Variants in ABLIM1 observed in about 807,000 individuals in gnomAD.
ABLIM1 encodes the protein actin-binding LIM protein 1.
In ABLIM1, 40 loss-of-function variants were observed where a neutral mutation model predicts 107.0. That is an observed-to-expected ratio of 0.37 (90% confidence interval 0.29 to 0.49). The LOEUF is 0.49. ABLIM1 is among the 20% of genes least tolerant of loss of function. The probability of loss-of-function intolerance (pLI) is 0.97; values close to 1 mark genes in which losing one functional copy is unlikely to be tolerated. For synonymous variants in ABLIM1, 357 were observed against 357.3 expected, an observed-to-expected ratio of 1.00 and a Z score of 0.01; for missense variants, 857 against 1,008.5, an observed-to-expected ratio of 0.85 and a Z score of 2.04.
chr10:114,528,151 G>A (rs1427310034), intron 6 of ABLIM1, among the ~76,000 whole-genome samples: 1 of 151,960 alleles, frequency 6.6e-6, no homozygotes, highest in East Asian at 1.9e-4. Context: ...TAAATTTTTT[G>A]TGGAGACAGG....
chr10:114,606,890 T>C (rs537572473), intron 1 of ABLIM1, among the ~76,000 whole-genome samples: 25 of 152,330 alleles, frequency 1.6e-4, no homozygotes, highest in Non-Finnish European at 3.4e-4. Flanking sequence ...GACCTCTTTA[T>C]ACCAGAATAA....
chr10:114,745,097 C>A (rs928415790), intron 1 of ABLIM1, among the ~76,000 whole-genome samples: 5 of 152,062 alleles, frequency 3.3e-5, no homozygotes, highest in Non-Finnish European at 7.4e-5. Context: ...CTTGTCAATC[C>A]CCCCTCCAAA....
rs986027165 is a variant in ABLIM1, at chr10:114,456,016, A to G, written c.1442-2533T>C. On this transcript the variant is annotated intron_variant, in intron 12 of 22. Coordinates refer to ENST00000533213, the MANE Select transcript of ABLIM1 (RefSeq NM_002313.7). ...TTTTTAGTAGAGACGGGGTTTCACC[A>G]TGTTAGCCAGGATGGTCTCAATCTC... is the stretch of plus-strand genomic sequence containing the variant. Among the ~76,000 whole-genome samples the G allele has an allele frequency of 1.0e-3, 159 of 151,478 alleles. 3 individuals are homozygous for G. The highest frequency in any genetic ancestry group is 3.4e-3 in the Middle Eastern group (1 of 292).
In ABLIM1 at chr10:114,644,280, C is replaced by CAA. The variant is rs1170954656; in HGVS notation, c.244+13675_244+13676dup. ...TGGGTGACAGAGTGAGACTCCATCT[C>CAA]AAAAAAAAAAAAAAAAAAAAAAAAA... On this transcript the variant is annotated intron_variant, in intron 1 of 22. Transcript: ENST00000533213. Among the ~76,000 whole-genome samples the CAA allele has an allele frequency of 5.7e-3, 106 of 18,618 alleles. 6 individuals carry two copies. The highest frequency in any genetic ancestry group is 0.071 in the Middle Eastern group (1 of 14). The allele number at this position is 18,618 out of a possible 152,430, so 12.2% of individuals were successfully genotyped here. A position where few individuals can be genotyped will look rare whatever the true frequency, so the allele number is the denominator to read the frequency against.
chr10:114,762,120 C>T (rs1478038849), intron 1 of ABLIM1, among the ~76,000 whole-genome samples: 1 of 152,078 alleles, frequency 6.6e-6, no homozygotes, highest in Non-Finnish European at 1.5e-5. Flanking sequence ...GCAAGCTGCA[C>T]CTCCCAGGTT....
Position 114,549,194 on chromosome 10 carries a change from G to A in ABLIM1, c.674-1418C>T, listed in dbSNP as rs114371421. Among the ~76,000 whole-genome samples the A allele has an allele frequency of 3.7e-3, 564 of 152,270 alleles. 3 individuals are homozygous for A. The highest frequency in any genetic ancestry group is 0.013 in the African/African-American group (533 of 41,550). On this transcript the variant is annotated intron_variant, in intron 4 of 22. Coordinates refer to ENST00000533213, the MANE Select transcript of ABLIM1 (RefSeq NM_002313.7). ...GAGGTCATGAGTTCAAGACCAGCCT[G>A]ACTAATGTGGTGAAACCCTGTCTCT...
chr10:114,443,941 T>C, intron 17 of ABLIM1, 88 bp downstream of exon 17: 3 of 1,057,892 alleles, frequency 2.8e-6, no homozygotes, highest in Non-Finnish European at 4.2e-6. Context: ...ACTCTGTAGG[T>C]TCCACCACAA....
At chr10:114,469,674 T>C (rs2066064892) in intron 10 of ABLIM1, among the ~76,000 whole-genome samples, 2 of 152,244 alleles carry the variant, frequency 1.3e-5, no homozygotes, top group Admixed American at 6.5e-5. Context: ...TTCTTTACTG[T>C]CTGTCTCCCA....
intron 1 of ABLIM1, chr10:114,765,041 C>G (rs2082855194): frequency 6.6e-6 from 1 of 152,456 alleles, no homozygotes; most frequent in Admixed American, 6.5e-5. Flanking sequence ...TTAAGGGGGG[C>G]TGTTTTCTAC....
intron 2 of ABLIM1, chr10:114,595,250 T>C (rs1481679739): frequency 1.3e-5 from 2 of 152,116 alleles, no homozygotes; most frequent in African/African-American, 4.8e-5. Context: ...ATAACATGTA[T>C]ACTTAAAATG....
the ABLIM1 span, among the ~76,000 whole-genome samples, chr10:114,797,234 G>A: frequency 6.6e-6 from 1 of 152,120 alleles, no homozygotes; most frequent in Admixed American, 6.6e-5. Flanking sequence ...TAGATTTTAA[G>A]TTCCATCACT....
intron 9 of ABLIM1, 98 bp from the exon 10 acceptor site, chr10:114,473,230 T>A: frequency 7.8e-7 from 1 of 1,274,818 alleles, no homozygotes; most frequent in Non-Finnish European, 1.1e-6. Context: ...GTGAAGGCCT[T>A]AAAATAAACA....
chr10:114,785,978 C>T, the ABLIM1 span, among the ~76,000 whole-genome samples: 1 of 152,244 alleles, frequency 6.6e-6, no homozygotes, highest in Non-Finnish European at 1.5e-5. Flanking sequence ...ATCCACCCGC[C>T]TTAGCCTCCC....
intron 8 of ABLIM1, among the ~76,000 whole-genome samples, chr10:114,485,885 G>C (rs1343325955): frequency 6.6e-6 from 1 of 152,196 alleles, no homozygotes; most frequent in African/African-American, 2.4e-5. Context: ...CCTCAAGAGA[G>C]CACAAGATGT....
At chr10:114,569,027 A>G (rs995792331) in intron 4 of ABLIM1, among the ~76,000 whole-genome samples, 6 of 152,184 alleles carry the variant, frequency 3.9e-5, no homozygotes, top group African/African-American at 1.4e-4. Context: ...TCATGCTTCT[A>G]TATCTTAAAC....
exon 1 of ABLIM1, chr10:114,684,874 A>T: frequency 3.0e-6 from 1 of 328,514 alleles, no homozygotes; most frequent in Non-Finnish European, 4.4e-6. Context: ...TCTCAACCAG[A>T]TGGGCTTTTA....
At chr10:114,603,903 A>T (rs2076220598) in intron 1 of ABLIM1, among the ~76,000 whole-genome samples, 1 of 150,468 alleles carries the variant, frequency 6.6e-6, no homozygotes, top group South Asian at 2.1e-4. Flanking sequence ...CAGTGAGCCG[A>T]GATCGCACCA....
the ABLIM1 span, among the ~76,000 whole-genome samples, chr10:114,781,698 C>A: frequency 8.9e-5 from 13 of 145,660 alleles, no homozygotes; most frequent in African/African-American, 3.3e-4. Flanking sequence ...AATTAATGCA[C>A]CATCCTTCTA....
In ABLIM1 at chr10:114,619,911, G is replaced by A. The variant is rs1004297069; in HGVS notation, c.245-17950C>T. Reference sequence around the variant, plus strand: ...TGACACCAAATTCCGGCCAACTTCTGTTAAGGATAAAGTGGCAAATGAAAG... The same window carrying A: ...TGACACCAAATTCCGGCCAACTTCTATTAAGGATAAAGTGGCAAATGAAAG... On this transcript the variant is annotated intron_variant, in intron 1 of 22. Transcript: ENST00000533213. The surrounding 1 kb of genome is among the most constrained non-coding windows in gnomAD (Gnocchi z 4.1). Among the ~76,000 whole-genome samples, 7 of 152,094 alleles carry A rather than the reference G, an allele frequency of 4.6e-5. No homozygotes were observed. The highest frequency in any genetic ancestry group is 1.7e-4 in the African/African-American group (7 of 41,356).
Sources: allele counts gnomAD v4.1 joint callset (sites outside exome capture counted in the v4.1 genomes callset), GRCh38; gene constraint gnomAD v4.1.1; non-coding constraint Gnocchi (gnomAD v3.1); transcripts MANE v1.5; gene names NCBI Gene and HGNC (gene_info 2026-07-23, HGNC 2026-07-21).